The following CMYA5 variants were observed in gnomAD, a reference collection of about 807,000 sequenced individuals.
CMYA5 encodes the protein cardiomyopathy associated 5, also known as cardiomyopathy-associated protein 5.
Under a neutral mutation model 318.9 loss-of-function variants are expected in CMYA5, and 246 were observed. The ratio of observed to expected loss-of-function variants is 0.77; its 90% CI spans 0.70 to 0.86. CMYA5 has a LOEUF of 0.86. Ranked by LOEUF, CMYA5 falls within the 40% of genes least tolerant of loss-of-function variation. The pLI is 0.00. For missense variants in CMYA5, 4,589 were observed against 4,678.2 expected (o/e 0.98, Z 0.56); for synonymous variants, 1,641 against 1,729.5 (o/e 0.95, Z 1.27).
intron 4 of CMYA5, among the ~76,000 whole-genome samples, chr5:79,746,545 T>C (rs890720378): frequency 6.2e-5 from 4 of 64,878 alleles, no homozygotes; most frequent in African/African-American, 3.5e-4. Context: ...AAGAGCAAAC[T>C]GTAAAAAAAA....
At chr5:79,771,066 AG>A (rs1397842849) in intron 9 of CMYA5, among the ~76,000 whole-genome samples, 3 of 141,322 alleles carry the variant, frequency 2.1e-5, no homozygotes, top group African/African-American at 5.3e-5. Context: ...AGAGGGAGAG[AG>A]GAAAAAAAAA....
At chr5:79,724,272 C>T (rs1827704507) in intron 1 of CMYA5, among the ~76,000 whole-genome samples, 1 of 151,948 alleles carries the variant, frequency 6.6e-6, no homozygotes, top group Non-Finnish European at 1.5e-5. Context: ...TGCAGTGAGC[C>T]GAGATCGCAC....
Position 79,733,190 on chromosome 5 carries a change from C to A in CMYA5, c.4425C>A (p.Ile1475=), listed in dbSNP as rs116319206. Residue 1475 remains isoleucine (I), a synonymous_variant, in exon 2 of 13, where the codon ATC becomes ATA. Coordinates refer to ENST00000446378, the MANE Select transcript of CMYA5 (RefSeq NM_153610.5). ...AKEVKAGLPV[I]KTSSSQHSDK... is the part of the protein sequence containing the mutation. ...AAGTTAAAGCTGGGTTGCCAGTAAT[C>A]AAAACATCATCTTCTCAGCATTCAG... The A allele has an allele frequency of 6.2e-7, 1 of 1,613,694 alleles. No homozygotes were observed. Among genetic ancestry groups the A allele is most frequent in the South Asian group, 1.1e-5 (1 of 91,016 alleles).
chr5:79,797,059 T>A (rs956274363), intron 12 of CMYA5, among the ~76,000 whole-genome samples: 21 of 152,230 alleles, frequency 1.4e-4, no homozygotes, highest in African/African-American at 4.6e-4. Flanking sequence ...ATGGTTAATT[T>A]GCTAACAACC....
In CMYA5 at chr5:79,724,286, A is replaced by T. The variant is rs1325539000; in HGVS notation, c.150-4629A>T. Among the ~76,000 whole-genome samples the T allele has an allele frequency of 6.6e-5, 10 of 152,180 alleles. 1 individual carries two copies. Among genetic ancestry groups the T allele is most frequent in the African/African-American group, 1.9e-4 (8 of 41,532 alleles). On this transcript the variant is annotated intron_variant, in intron 1 of 12. Coordinates refer to ENST00000446378, the MANE Select transcript of CMYA5 (RefSeq NM_153610.5). ...TTGCAGTGAGCCGAGATCGCACCAT[A>T]AACTCCAGCCTGGGCAAGAAGAGCG...
intron 3 of CMYA5, among the ~76,000 whole-genome samples, chr5:79,744,133 C>T (rs542956284): frequency 2.0e-5 from 3 of 152,224 alleles, no homozygotes; most frequent in East Asian, 1.9e-4. Flanking sequence ...AAAGATTTGC[C>T]GGTAACGACA....
intron 4 of CMYA5, among the ~76,000 whole-genome samples, chr5:79,746,167 A>G (rs1476703141): frequency 1.3e-5 from 2 of 152,204 alleles, no homozygotes; most frequent in African/African-American, 4.8e-5. Context: ...CCCTGAAGGC[A>G]GTTCCAAGCC....
intron 9 of CMYA5, among the ~76,000 whole-genome samples, chr5:79,763,859 T>C (rs1828701611): frequency 6.6e-6 from 1 of 152,242 alleles, no homozygotes; most frequent in Non-Finnish European, 1.5e-5. Flanking sequence ...AGCAGCTTCA[T>C]GTACCATGAT....
rs933450491 is a variant in CMYA5 at position 79,731,547 on chromosome 5, G to A, written c.2782G>A (p.Ala928Thr). ...CCATAGATCTCTAAATCTAAAAGGT[G>A]CATCCTCACCCATGAATTTATCAGA... ...IVHRSLNLKG[A>T]SSPMNLSEED... The change falls in exon 2 of 13, where the codon GCA becomes ACA. Residue 928 changes from alanine to threonine, a missense_variant. Ala to Thr is a moderately conservative substitution (Grantham distance 58, BLOSUM62 0). Transcript: ENST00000446378. 11 of 1,607,066 alleles carry A rather than the reference G, an allele frequency of 6.8e-6. No homozygotes were observed. Among genetic ancestry groups the A allele is most frequent in the African/African-American group, 2.7e-5 (2 of 74,806 alleles).
chr5:79,778,579 A>T (rs957311004), intron 9 of CMYA5, among the ~76,000 whole-genome samples: 1 of 150,874 alleles, frequency 6.6e-6, no homozygotes, highest in Admixed American at 6.6e-5. Context: ...TTTCCTAGCA[A>T]TTTTTTTTCT....
intron 9 of CMYA5, among the ~76,000 whole-genome samples, chr5:79,767,598 T>C (rs1474669568): frequency 5.3e-5 from 8 of 152,222 alleles, no homozygotes; most frequent in Non-Finnish European, 1.2e-4. Context: ...TCAGTTTCCA[T>C]GTAGTTGTGT....
intron 1 of CMYA5, among the ~76,000 whole-genome samples, chr5:79,725,778 C>T (rs767973490): frequency 6.6e-6 from 1 of 152,138 alleles, no homozygotes; most frequent in East Asian, 1.9e-4. Context: ...ATGACACGCA[C>T]CTGTAATCCC....
At chr5:79,691,001 A>C (rs1826961150) in intron 1 of CMYA5, among the ~76,000 whole-genome samples, 1 of 152,226 alleles carries the variant, frequency 6.6e-6, no homozygotes, top group Non-Finnish European at 1.5e-5. Context: ...CTGTTTATCA[A>C]ACAGCTGCCA....
At chr5:79,789,397 A>G (rs1218277726) in intron 10 of CMYA5, among the ~76,000 whole-genome samples, 2 of 151,160 alleles carry the variant, frequency 1.3e-5, no homozygotes, top group Non-Finnish European at 2.9e-5. Context: ...GATGGGCTCA[A>G]ACATTTATGT....
intron 1 of CMYA5, among the ~76,000 whole-genome samples, chr5:79,691,060 T>C (rs1012711991): frequency 6.6e-6 from 1 of 152,164 alleles, no homozygotes; most frequent in Admixed American, 6.5e-5. Flanking sequence ...GTGGAAAAAG[T>C]TTCCCTAACT....
Position 79,738,681 on chromosome 5 carries a change from G to A in CMYA5, c.9916G>A (p.Glu3306Lys), listed in dbSNP as rs368805015. ...EEQKGVYGEG[E>K]SVDHVETVGN... ...ACAGAAAGGTGTTTATGGGGAAGGA[G>A]AATCAGTAGACCATGTGGAGACCGT... is the stretch of plus-strand genomic sequence containing the variant. Residue 3306 changes from glutamate to lysine, a missense_variant, in exon 2 of 13, where the codon GAA (glutamate) becomes AAA (lysine). Glu to Lys is a moderately conservative substitution (Grantham distance 56, BLOSUM62 1). Coordinates refer to ENST00000446378, the MANE Select transcript of CMYA5 (RefSeq NM_153610.5). 52 of 1,613,818 alleles carry A rather than the reference G, an allele frequency of 3.2e-5. No homozygotes were observed. Among genetic ancestry groups the A allele is most frequent in the Non-Finnish European group, 4.2e-5 (50 of 1,179,874 alleles).
At position 79,734,954 on chromosome 5, in the gene CMYA5, A is replaced by T; in HGVS notation, c.6189A>T (p.Glu2063Asp). 1 of 1,613,824 alleles carries T rather than the reference A, an allele frequency of 6.2e-7. No homozygotes were observed. Among genetic ancestry groups the T allele is most frequent in the Non-Finnish European group, 8.5e-7 (1 of 1,179,794 alleles). The change falls in exon 2 of 13, where the codon GAA becomes GAT. Residue 2063 changes from glutamate (E) to aspartate (D), a missense_variant. Around this residue, in one of 3 missense-constraint regions of CMYA5, gnomAD observed 2,431 missense variants for 2,495.1 expected, o/e 0.97. Transcript: ENST00000446378. ...TATCAGTGGAACAGGTGAAGTCAGA[A>T]ACAATCTCCTCTTCTGTCAAAACAG... ...SGLSVEQVKS[E>D]TISSSVKTAH...
chr5:79,704,540 T>C (rs1316489120), intron 1 of CMYA5, among the ~76,000 whole-genome samples: 1 of 152,116 alleles, frequency 6.6e-6, no homozygotes, highest in African/African-American at 2.4e-5. Context: ...CTCTTGGATA[T>C]AGATATTAGA....
chr5:79,794,289 A>G (rs1829235860), intron 12 of CMYA5, among the ~76,000 whole-genome samples: 1 of 152,242 alleles, frequency 6.6e-6, no homozygotes, highest in South Asian at 2.1e-4. Flanking sequence ...GTCAAATCCT[A>G]GGATATTTAC....
Sources: allele counts gnomAD v4.1 joint callset (sites outside exome capture counted in the v4.1 genomes callset), GRCh38; gene constraint gnomAD v4.1.1; regional missense constraint gnomAD v4.1.1; transcripts MANE v1.5; gene names NCBI Gene and HGNC (gene_info 2026-07-23, HGNC 2026-07-21).